ANXA8: variants seen among roughly 807,000 people sequenced by gnomAD.
The protein encoded by ANXA8 is VAC-beta.
ANXA8 carries 9 observed loss-of-function variants against 26.8 expected under a neutral mutation model. The ratio of observed to expected loss-of-function variants is 0.34; its 90% CI spans 0.20 to 0.59. The LOEUF is 0.59. ANXA8 is among the 20% of genes least tolerant of loss of function. ANXA8 has a pLI of 0.84. For synonymous variants in ANXA8, 39 were observed against 94.8 expected, an observed-to-expected ratio of 0.41 and a Z score of 3.42; for missense variants, 83 against 238.5, an observed-to-expected ratio of 0.35 and a Z score of 4.29.
At chr10:47,742,999 A>C in the ANXA8 span, among the ~76,000 whole-genome samples, 1 of 143,216 alleles carries the variant, frequency 7.0e-6, no homozygotes, top group Non-Finnish European at 1.5e-5. Context: ...CTAAAAAAAA[A>C]AAAAAAAAAA....
the ANXA8 span, among the ~76,000 whole-genome samples, chr10:47,777,037 A>G: frequency 6.6e-6 from 1 of 152,018 alleles, no homozygotes; most frequent in Non-Finnish European, 1.5e-5. Flanking sequence ...CTGGTCAGTT[A>G]CTTGGCCAAA....
At chr10:47,660,354 G>A in the ANXA8 span, among the ~76,000 whole-genome samples, 1 of 150,458 alleles carries the variant, frequency 6.6e-6, no homozygotes, top group Non-Finnish European at 1.5e-5. Flanking sequence ...ATTTGGCCTT[G>A]CCTGTAATCA....
the ANXA8 span, among the ~76,000 whole-genome samples, chr10:47,499,151 C>T: frequency 4.5e-5 from 6 of 134,252 alleles, no homozygotes; most frequent in Admixed American, 1.5e-4. Context: ...AAATAGAAAT[C>T]GTAGATGAAT....
the ANXA8 span, among the ~76,000 whole-genome samples, chr10:47,975,632 T>A: frequency 6.6e-6 from 1 of 151,078 alleles, no homozygotes; most frequent in East Asian, 1.9e-4. Flanking sequence ...CATCTGCAAA[T>A]GAAGATAATA....
At chr10:47,514,378 TATC>T in the ANXA8 span, among the ~76,000 whole-genome samples, 16 of 147,072 alleles carry the variant, frequency 1.1e-4, no homozygotes, top group Admixed American at 1.1e-3. Context: ...GAAAACCAAA[TATC>T]ATGTTCTCTT....
chr10:47,748,211 T>TTTA, the ANXA8 span, among the ~76,000 whole-genome samples: 10 of 149,684 alleles, frequency 6.7e-5, no homozygotes, highest in African/African-American at 2.2e-4. Context: ...ATACTTTTTT[T>TTTA]TTATTATTAT....
the ANXA8 span, among the ~76,000 whole-genome samples, chr10:47,709,633 G>A: frequency 7.4e-6 from 1 of 134,774 alleles, no homozygotes; most frequent in East Asian, 2.2e-4. Flanking sequence ...CTGAGCTCAG[G>A]GAAAAAAGCA....
At chr10:47,591,100 T>G in the ANXA8 span, among the ~76,000 whole-genome samples, 1 of 144,698 alleles carries the variant, frequency 6.9e-6, no homozygotes, top group Admixed American at 6.7e-5. Context: ...TAACAGTAAC[T>G]CTAATTGCAG....
At chr10:47,486,372 G>A (rs1840046747), upstream of ANXA8, among the ~76,000 whole-genome samples, 1 of 143,194 alleles carries the variant, frequency 7.0e-6, no homozygotes, top group Non-Finnish European at 1.5e-5. Flanking sequence ...GAAGCACTGA[G>A]GCACCTGAAA....
the ANXA8 span, among the ~76,000 whole-genome samples, chr10:47,937,451 AT>A: frequency 1.3e-5 from 2 of 149,272 alleles, no homozygotes; most frequent in Non-Finnish European, 3.0e-5. Context: ...TTACTTAAAC[AT>A]TTTTATTTAT....
the ANXA8 span, among the ~76,000 whole-genome samples, chr10:47,665,831 A>G: frequency 6.6e-6 from 1 of 151,756 alleles, no homozygotes; most frequent in Admixed American, 6.6e-5. Flanking sequence ...TATTTCTTTG[A>G]GGAAACGTTT....
the ANXA8 span, among the ~76,000 whole-genome samples, chr10:47,623,872 T>C: frequency 1.9e-5 from 2 of 105,602 alleles, 1 homozygote; most frequent in East Asian, 4.4e-4. Flanking sequence ...TCTTTTTTTT[T>C]TTTTTAAATT....
At chr10:47,500,329 G>A in the ANXA8 span, among the ~76,000 whole-genome samples, 2 of 128,662 alleles carry the variant, frequency 1.6e-5, no homozygotes, top group African/African-American at 2.9e-5. Context: ...AGAGGCTGCC[G>A]GCTCTGCTCT....
At chr10:47,631,592 T>C in the ANXA8 span, among the ~76,000 whole-genome samples, 3 of 150,670 alleles carry the variant, frequency 2.0e-5, no homozygotes, top group African/African-American at 7.5e-5. Flanking sequence ...GGTATCAGCA[T>C]TTTTTAAAAC....
At chr10:47,533,402 G>T in the ANXA8 span, among the ~76,000 whole-genome samples, 1 of 151,614 alleles carries the variant, frequency 6.6e-6, no homozygotes, top group Non-Finnish European at 1.5e-5. Context: ...CTGTGATGTG[G>T]GAGCTGGCCA....
the ANXA8 span, among the ~76,000 whole-genome samples, chr10:47,686,275 G>A: frequency 2.0e-5 from 3 of 147,250 alleles, no homozygotes; most frequent in Admixed American, 2.1e-4. Flanking sequence ...CTGGAGTGCA[G>A]TGGTGTGATC....
chr10:47,498,419 T>C, the ANXA8 span, among the ~76,000 whole-genome samples: 1 of 142,510 alleles, frequency 7.0e-6, no homozygotes, highest in African/African-American at 2.6e-5. Flanking sequence ...CTAGGCTGCA[T>C]CCATCTTTTG....
the ANXA8 span, among the ~76,000 whole-genome samples, chr10:47,581,746 A>T: frequency 6.7e-6 from 1 of 149,442 alleles, no homozygotes; most frequent in Non-Finnish European, 1.5e-5. Context: ...AGCTGGAACT[A>T]CAGGCGCCTG....
chr10:47,595,389 A>G, the ANXA8 span, among the ~76,000 whole-genome samples: 2 of 147,342 alleles, frequency 1.4e-5, no homozygotes, highest in Non-Finnish European at 3.0e-5. Flanking sequence ...AAACTATGAC[A>G]GGAACACAAT....
Sources: gnomAD v4.1 joint callset for allele counts (sites outside exome capture counted in the v4.1 genomes callset) on GRCh38, gnomAD v4.1.1 for gene constraint, MANE v1.5 for transcripts, NCBI Gene and HGNC (gene_info 2026-07-23, HGNC 2026-07-21) for gene names.